The following RBFOX1 variants were observed in gnomAD, a reference collection of about 807,000 sequenced individuals.
RBFOX1 encodes the protein RNA binding protein fox-1 homolog 1.
In RBFOX1, 8 loss-of-function variants were observed where a neutral mutation model predicts 57.7. The ratio of observed to expected loss-of-function variants is 0.14; its 90% CI spans 0.08 to 0.25. RBFOX1 has a LOEUF of 0.25. Ranked by LOEUF, RBFOX1 falls within the 10% of genes least tolerant of loss-of-function variation. The pLI, the probability that RBFOX1 is intolerant of heterozygous loss-of-function variation, is 1.00. For synonymous variants in RBFOX1, 326 were observed against 222.4 expected, an observed-to-expected ratio of 1.47 and a Z score of -4.15; for missense variants, 611 against 548.5, an observed-to-expected ratio of 1.11 and a Z score of -1.14.
chr16:7,603,098 G>C (rs896885947), intron 9 of RBFOX1, among the ~76,000 whole-genome samples: 3 of 152,156 alleles, frequency 2.0e-5, no homozygotes, highest in Admixed American at 1.3e-4. Flanking sequence ...AAAGTGTATA[G>C]TAATAAACGC....
At chr16:7,459,721 G>A (rs1019988311) in intron 4 of RBFOX1, among the ~76,000 whole-genome samples, 3 of 152,156 alleles carry the variant, frequency 2.0e-5, no homozygotes, top group Non-Finnish European at 4.4e-5. Context: ...CCTGGAAATA[G>A]CACCAGAAAA....
Position 5,575,299 on chromosome 16 carries a change from A to C in RBFOX1, c.259-23603A>C, listed in dbSNP as rs146903248. Among the ~76,000 whole-genome samples the C allele has an allele frequency of 3.9e-4, 59 of 152,322 alleles. 1 individual carries two copies. The highest frequency in any genetic ancestry group is 6.3e-4 in the Non-Finnish European group (43 of 68,014). ...ATTGATCATTATCGTCGTCATCATC[A>C]TCATTTTCATTATCATCATCATCTT... On this transcript the variant is annotated intron_variant, in intron 2 of 2. Transcript: ENST00000585867.
chr16:7,531,009 C>T (rs1390210831), intron 5 of RBFOX1, among the ~76,000 whole-genome samples: 1 of 152,148 alleles, frequency 6.6e-6, no homozygotes. Context: ...CGGGCAAGTT[C>T]TTTCAGCAGT....
At chr16:5,862,747 T>A (rs1197040855) in intron 3 of RBFOX1, among the ~76,000 whole-genome samples, 2 of 152,186 alleles carry the variant, frequency 1.3e-5, no homozygotes, top group Non-Finnish European at 2.9e-5. Context: ...TGAGCCATTT[T>A]GAGTTGTTTT....
intron 3 of RBFOX1, among the ~76,000 whole-genome samples, chr16:6,812,111 A>G (rs2088805901): frequency 6.6e-6 from 1 of 152,288 alleles, no homozygotes; most frequent in East Asian, 1.9e-4. Flanking sequence ...AGCCTTCACG[A>G]GAAACTCACT....
intron 2 of RBFOX1, among the ~76,000 whole-genome samples, chr16:6,589,599 C>T (rs1214820228): frequency 6.6e-6 from 1 of 152,210 alleles, no homozygotes; most frequent in African/African-American, 2.4e-5. Flanking sequence ...CAGGAGCAAT[C>T]TGGGGAGGTT....
chr16:5,378,318 C>T (rs1411278707), intron 1 of RBFOX1, among the ~76,000 whole-genome samples: 1 of 151,548 alleles, frequency 6.6e-6, no homozygotes, highest in Non-Finnish European at 1.5e-5. Context: ...TGTCCTGCCT[C>T]TGCTGGCCAC....
intron 1 of RBFOX1, among the ~76,000 whole-genome samples, chr16:6,090,517 T>C (rs2096155917): frequency 6.6e-6 from 1 of 152,332 alleles, no homozygotes; most frequent in East Asian, 1.9e-4. Context: ...CAGCAGGTTC[T>C]AAAAGGTAAA....
intron 4 of RBFOX1, among the ~76,000 whole-genome samples, chr16:7,212,857 CTT>C (rs1383586808): frequency 6.6e-6 from 1 of 152,090 alleles, no homozygotes; most frequent in African/African-American, 2.4e-5. Flanking sequence ...AAAAGAATAA[CTT>C]AGGCTACAAT....
chr16:5,384,878 G>A (rs988200882), intron 1 of RBFOX1, among the ~76,000 whole-genome samples: 4 of 152,152 alleles, frequency 2.6e-5, no homozygotes, highest in Middle Eastern at 3.2e-3. Context: ...TCAGGTGGTC[G>A]TGAGGATTAA....
intron 2 of RBFOX1, among the ~76,000 whole-genome samples, chr16:6,503,718 C>G: frequency 6.6e-6 from 1 of 152,134 alleles, no homozygotes; most frequent in African/African-American, 2.4e-5. Flanking sequence ...GTTGCATTTT[C>G]TGATGTCTAC....
intron 4 of RBFOX1, among the ~76,000 whole-genome samples, chr16:7,102,273 A>G (rs2062826886): frequency 6.6e-6 from 1 of 152,126 alleles, no homozygotes; most frequent in Non-Finnish European, 1.5e-5. Flanking sequence ...TTGTATAGGA[A>G]CTCCATTCTT....
At chr16:5,268,545 C>T (rs894392706) in intron 1 of RBFOX1, among the ~76,000 whole-genome samples, 7 of 152,212 alleles carry the variant, frequency 4.6e-5, no homozygotes, top group African/African-American at 1.7e-4. Context: ...AGGTCCAATC[C>T]ACACTTCTTC....
At chr16:7,576,449 C>T (rs2093348048) in intron 5 of RBFOX1, among the ~76,000 whole-genome samples, 1 of 152,110 alleles carries the variant, frequency 6.6e-6, no homozygotes, top group African/African-American at 2.4e-5. Context: ...CTTCTTTTTC[C>T]CTTTCCATAC....
intron 2 of RBFOX1, among the ~76,000 whole-genome samples, chr16:5,480,142 C>T (rs966101962): frequency 6.6e-6 from 1 of 152,180 alleles, no homozygotes; most frequent in East Asian, 1.9e-4. Context: ...CTCAGATTCA[C>T]AGAATGACTT....
chr16:6,237,225 C>T (rs1048632449), intron 1 of RBFOX1, among the ~76,000 whole-genome samples: 1 of 152,160 alleles, frequency 6.6e-6, no homozygotes, highest in Non-Finnish European at 1.5e-5. Context: ...TCTTTGTTAT[C>T]TTGCTAAAGC....
intron 3 of RBFOX1, among the ~76,000 whole-genome samples, chr16:6,805,293 AAAAC>A (rs1254327985): frequency 2.0e-5 from 3 of 152,330 alleles, no homozygotes; most frequent in South Asian, 2.1e-4. Flanking sequence ...CAGGAACAAA[AAAAC>A]AAATATTGCA....
intron 4 of RBFOX1, among the ~76,000 whole-genome samples, chr16:5,906,526 T>C (rs1334627272): frequency 7.0e-6 from 1 of 143,180 alleles, no homozygotes; most frequent in African/African-American, 3.0e-5. Flanking sequence ...AGATGATACA[T>C]GTTTGTTGTT....
chr16:6,948,499 C>T (rs1472970117), intron 3 of RBFOX1, among the ~76,000 whole-genome samples: 1 of 148,112 alleles, frequency 6.8e-6, no homozygotes, highest in Non-Finnish European at 1.5e-5. Flanking sequence ...TCTCCTGCCT[C>T]AGCCTCCCAA....
Sources: allele counts gnomAD v4.1 joint callset (sites outside exome capture counted in the v4.1 genomes callset), GRCh38; gene constraint gnomAD v4.1.1; transcripts MANE v1.5; gene names NCBI Gene and HGNC (gene_info 2026-07-23, HGNC 2026-07-21).